Variants in FER observed in about 807,000 individuals in gnomAD.
The protein encoded by FER is tyrosine-protein kinase Fer.
In FER, 63 loss-of-function variants were observed where a neutral mutation model predicts 111.0. The observed-to-expected ratio is 0.57, with a 90% CI of 0.46 to 0.70. The LOEUF is 0.70. FER is among the 30% of genes least tolerant of loss of function. FER has a pLI of 0.00. For synonymous variants in FER, 327 were observed against 313.9 expected (o/e 1.04, Z -0.44); for missense variants, 914 against 954.0 (o/e 0.96, Z 0.55).
chr5:109,050,779 G>A (rs147759648), intron 16 of FER, among the ~76,000 whole-genome samples: 59 of 152,298 alleles, frequency 3.9e-4, no homozygotes, highest in Non-Finnish European at 6.9e-4. Flanking sequence ...ATTGACACCT[G>A]GAGGGTCAGG....
intron 3 of FER, among the ~76,000 whole-genome samples, chr5:108,825,348 C>T (rs1414369242): frequency 6.6e-6 from 1 of 152,214 alleles, no homozygotes; most frequent in Non-Finnish European, 1.5e-5. Context: ...TGCGCATTCT[C>T]TTTCTGGGGG....
chr5:109,139,315 G>T (rs1753254492), intron 17 of FER, among the ~76,000 whole-genome samples: 1 of 147,586 alleles, frequency 6.8e-6, no homozygotes, highest in South Asian at 2.2e-4. Context: ...CCCCTAAAAG[G>T]CAGGGCCTAT....
chr5:108,777,773 C>T (rs1404751995), intron 2 of FER, among the ~76,000 whole-genome samples: 3 of 152,208 alleles, frequency 2.0e-5, no homozygotes, highest in Admixed American at 6.5e-5. Flanking sequence ...AGGAGCAAGT[C>T]ACATCTTACG....
At chr5:108,859,880 T>C (rs538072611) in intron 5 of FER, among the ~76,000 whole-genome samples, 12 of 151,368 alleles carry the variant, frequency 7.9e-5, no homozygotes, top group African/African-American at 2.9e-4. Flanking sequence ...AATTTTCTTA[T>C]GCCAGGAAAT....
intron 8 of FER, among the ~76,000 whole-genome samples, chr5:108,873,232 C>T (rs1034579894): frequency 2.0e-5 from 3 of 152,008 alleles, no homozygotes; most frequent in African/African-American, 7.2e-5. Context: ...GCAACCTCTG[C>T]CTCGCAGTTC....
chr5:108,792,377 T>G (rs1755477743), intron 2 of FER, among the ~76,000 whole-genome samples: 1 of 152,222 alleles, frequency 6.6e-6, no homozygotes, highest in Non-Finnish European at 1.5e-5. Flanking sequence ...TTTGCTCTTG[T>G]TGCCCAGGCT....
At chr5:108,908,864 C>T (rs1403824709) in intron 10 of FER, among the ~76,000 whole-genome samples, 2 of 152,080 alleles carry the variant, frequency 1.3e-5, no homozygotes, top group African/African-American at 4.8e-5. Context: ...CATGGAGAAA[C>T]CCTGTATCTA....
chr5:109,161,796 T>C (rs1403217703), intron 17 of FER, among the ~76,000 whole-genome samples: 1 of 152,124 alleles, frequency 6.6e-6, no homozygotes, highest in Non-Finnish European at 1.5e-5. Flanking sequence ...CCAATGTGAT[T>C]GCTTGGTCTA....
chr5:108,843,949 C>A (rs1761541863), intron 5 of FER, among the ~76,000 whole-genome samples: 2 of 150,160 alleles, frequency 1.3e-5, no homozygotes, highest in Non-Finnish European at 3.0e-5. Flanking sequence ...TCAAAAATTG[C>A]CAAAATTTTG....
In FER at chr5:109,192,579, GCTT is replaced by G. The variant is rs533521322; in HGVS notation, c.*5008_*5010del. On this transcript the variant is annotated 3_prime_UTR_variant, in exon 20 of 20. Coordinates refer to ENST00000281092, the MANE Select transcript of FER (RefSeq NM_005246.4). ...CAGTTTTTCAAAGACACTACCCAAA[GCTT>G]CTTTACATTTGCATTGGTTATATTT... 1.5e-3 allele frequency: 230 copies of G among 152,224 alleles called. No homozygotes were observed. Among genetic ancestry groups the G allele is most frequent in the African/African-American group, 4.9e-3 (202 of 41,550 alleles). The allele number at this position is 152,224 out of a possible 1,614,324, so 9.4% of individuals were successfully genotyped here.
chr5:109,056,754 A>T (rs1236620973), intron 16 of FER, among the ~76,000 whole-genome samples: 4 of 152,200 alleles, frequency 2.6e-5, no homozygotes, highest in Non-Finnish European at 5.9e-5. Flanking sequence ...ACTATGTAAG[A>T]TGATGGATAT....
At chr5:108,927,284 C>T (rs1029225332) in intron 10 of FER, among the ~76,000 whole-genome samples, 6 of 63,190 alleles carry the variant, frequency 9.5e-5, no homozygotes, top group African/African-American at 2.5e-4. Flanking sequence ...GACGGAGTCT[C>T]GCTCTGTCGC....
chr5:108,767,452 A>G (rs1213426209), intron 1 of FER, among the ~76,000 whole-genome samples: 1 of 152,190 alleles, frequency 6.6e-6, no homozygotes, highest in African/African-American at 2.4e-5. Context: ...TAATATTTTA[A>G]CAAGCATAAT....
At chr5:109,114,619 C>T (rs1750013226) in intron 17 of FER, among the ~76,000 whole-genome samples, 1 of 152,026 alleles carries the variant, frequency 6.6e-6, no homozygotes, top group African/African-American at 2.4e-5. Flanking sequence ...CTACTCAACT[C>T]TCCCATTCTG....
In FER at chr5:108,847,594, G is replaced by C. The variant is rs541839019; in HGVS notation, c.481+11787G>C. On this transcript the variant is annotated intron_variant, in intron 5 of 19. Transcript: ENST00000281092. The stretch of plus-strand genomic sequence containing the variant: ...TTGTCTACCTGTTGTATCAGTTATT[G>C]ATGGAAGGATATTGAAATCGCCAAC... Among the ~76,000 whole-genome samples, 138 of 152,168 alleles carry C rather than the reference G, an allele frequency of 9.1e-4. 1 individual carries two copies. The highest frequency in any genetic ancestry group is 2.8e-3 in the African/African-American group (117 of 41,540).
chr5:108,887,460 A>G (rs1376209620), intron 9 of FER, among the ~76,000 whole-genome samples: 1 of 149,396 alleles, frequency 6.7e-6, no homozygotes, highest in African/African-American at 2.5e-5. Flanking sequence ...GCAAAAACAG[A>G]GTTCAAGCTT....
intron 17 of FER, among the ~76,000 whole-genome samples, chr5:109,157,107 A>T (rs564157801): frequency 1.3e-5 from 2 of 152,166 alleles, no homozygotes; most frequent in Non-Finnish European, 2.9e-5. Flanking sequence ...TGTGGATTTC[A>T]TGCTTGTTAC....
At chr5:109,086,276 G>C (rs181015999) in intron 16 of FER, among the ~76,000 whole-genome samples, 1 of 115,572 alleles carries the variant, frequency 8.7e-6, no homozygotes, top group Non-Finnish European at 1.9e-5. Context: ...TCAAGGTATC[G>C]GTCCTTACAT....
intron 2 of FER, chr5:108,784,896 G>A (rs553294194): frequency 1.3e-3 from 203 of 161,916 alleles, no homozygotes; most frequent in African/African-American, 4.3e-3. Flanking sequence ...TAAACTGACA[G>A]CCTTATAGCA....
Sources: allele counts gnomAD v4.1 joint callset (sites outside exome capture counted in the v4.1 genomes callset), GRCh38; gene constraint gnomAD v4.1.1; transcripts MANE v1.5; gene names NCBI Gene and HGNC (gene_info 2026-07-23, HGNC 2026-07-21).